LONP2: variants seen among roughly 807,000 people sequenced by gnomAD.
LONP2 encodes lon protease homolog 2, peroxisomal.
In LONP2, 60 loss-of-function variants were observed where a neutral mutation model predicts 85.6. The ratio of observed to expected loss-of-function variants is 0.70; its 90% CI spans 0.57 to 0.87. The LOEUF (loss-of-function observed/expected upper bound fraction) is 0.87, where lower values mean the gene tolerates loss of function less well. Among genes scored for constraint, LONP2 ranks in the 40% least tolerant of loss-of-function variants. The pLI is 0.00. For missense variants in LONP2, 860 were observed against 1,063.5 expected (o/e 0.81, Z 2.66); for synonymous variants, 395 against 389.7 (o/e 1.01, Z -0.16).
chr16:48,319,133 A>G (rs1244925481), intron 11 of LONP2, among the ~76,000 whole-genome samples: 2 of 152,100 alleles, frequency 1.3e-5, no homozygotes, highest in African/African-American at 4.8e-5. Flanking sequence ...TAATCCTGGC[A>G]CTTTGGGAGG....
Position 48,347,595 on chromosome 16 carries a change from G to C in LONP2, c.2027G>C (p.Arg676Pro). Reference sequence around the variant, plus strand: ...GAAATCATGTTCGTGGAGGCGAGTCGAATGGATGGCGAGGGCCAGTTAACT... The same window carrying C: ...GAAATCATGTTCGTGGAGGCGAGTCCAATGGATGGCGAGGGCCAGTTAACT... ...GGEIMFVEAS[R>P]MDGEGQLTLT... Residue 676 changes from arginine to proline, a missense_variant, in exon 13 of 15, where the codon CGA becomes CCA. Coordinates refer to ENST00000285737, the MANE Select transcript of LONP2 (RefSeq NM_031490.5). 6.2e-7 allele frequency: 1 copy of C among 1,614,222 alleles called. No individual in the cohort carries two copies. The highest frequency in any genetic ancestry group is 8.5e-7 in the Non-Finnish European group (1 of 1,180,030).
chr16:48,321,833 G>A (rs780416168), intron 11 of LONP2, among the ~76,000 whole-genome samples: 1 of 152,198 alleles, frequency 6.6e-6, no homozygotes, highest in African/African-American at 2.4e-5. Flanking sequence ...GTAGCTCTGC[G>A]TGAGTCAGCA....
intron 8 of LONP2, among the ~76,000 whole-genome samples, chr16:48,293,443 G>T (rs1362189558): frequency 6.6e-6 from 1 of 151,904 alleles, no homozygotes; most frequent in Non-Finnish European, 1.5e-5. Flanking sequence ...AAAAAGAATA[G>T]ATTTTTTTCC....
chr16:48,347,403 T>C (rs1208081467), intron 12 of LONP2, 104 bp from the exon 13 acceptor site: 1 of 1,042,262 alleles, frequency 9.6e-7, no homozygotes, highest in African/African-American at 1.6e-5. Context: ...TTGAGGTAAG[T>C]GGCTGAAGTC....
chr16:48,287,008 A>G (rs1265767494), intron 8 of LONP2, among the ~76,000 whole-genome samples: 3 of 152,086 alleles, frequency 2.0e-5, no homozygotes, highest in African/African-American at 7.2e-5. Flanking sequence ...TTCATTCTGT[A>G]AAGTCTGTTT....
At chr16:48,247,935 T>G (rs912704202) in intron 1 of LONP2, among the ~76,000 whole-genome samples, 1 of 151,836 alleles carries the variant, frequency 6.6e-6, no homozygotes, top group African/African-American at 2.4e-5. Context: ...CTGGCCTATG[T>G]TTATAATTCT....
At chr16:48,266,179 A>G (rs377416009) in intron 6 of LONP2, among the ~76,000 whole-genome samples, 5 of 151,924 alleles carry the variant, frequency 3.3e-5, no homozygotes, top group African/African-American at 1.2e-4. Context: ...AATTTTTTGT[A>G]TTTTTAGCAG....
chr16:48,347,505 A>G lies in LONP2; in HGVS notation c.1939-2A>G, dbSNP rs1476532130. On this transcript the variant is annotated splice_acceptor_variant, in intron 12 of 14. Transcript: ENST00000285737. LOFTEE classifies it high-confidence loss of function. ...AACTCTGATCATTCTTCTTCTTTCA[A>G]GGTATCTCAGCGTTTGAGTCAGCCA... 6.2e-7 allele frequency: 1 copy of G among 1,614,046 alleles called. No homozygotes were observed. The highest frequency in any genetic ancestry group is 8.5e-7 in the Non-Finnish European group (1 of 1,179,988).
At chr16:48,331,566 C>CTTT (rs1022632125) in intron 11 of LONP2, among the ~76,000 whole-genome samples, 13 of 139,908 alleles carry the variant, frequency 9.3e-5, no homozygotes, top group African/African-American at 1.8e-4. Flanking sequence ...AAAGGATTTT[C>CTTT]TTTTTTTTTT....
chr16:48,283,875 A>T (rs1972381620), intron 8 of LONP2, among the ~76,000 whole-genome samples: 1 of 152,182 alleles, frequency 6.6e-6, no homozygotes, highest in Non-Finnish European at 1.5e-5. Flanking sequence ...GGCGAAGTAC[A>T]TTGAAAACCC....
At chr16:48,272,052 G>A (rs1437668374) in intron 7 of LONP2, among the ~76,000 whole-genome samples, 1 of 152,186 alleles carries the variant, frequency 6.6e-6, no homozygotes, top group East Asian at 1.9e-4. Context: ...TCATAAGCAC[G>A]TGACATGTAG....
intron 11 of LONP2, among the ~76,000 whole-genome samples, chr16:48,324,305 CTT>C (rs1303840804): frequency 6.6e-6 from 1 of 152,162 alleles, no homozygotes; most frequent in East Asian, 1.9e-4. Context: ...CCATATGTGT[CTT>C]TCTCTCCATG....
At chr16:48,305,323 T>G (rs1346752785) in intron 11 of LONP2, among the ~76,000 whole-genome samples, 1 of 152,200 alleles carries the variant, frequency 6.6e-6, no homozygotes, top group East Asian at 1.9e-4. Flanking sequence ...GGCACAATCT[T>G]GGCTCACTGC....
Position 48,353,821 on chromosome 16 carries a change from T to G in LONP2, c.*2019T>G, listed in dbSNP as rs1201252466. 2 of 152,144 alleles carry G rather than the reference T, an allele frequency of 1.3e-5. No individual in the cohort carries two copies. The highest frequency in any genetic ancestry group is 2.9e-5 in the Non-Finnish European group (2 of 68,056). The allele number at this position is 152,144 out of a possible 1,614,324, so 9.4% of individuals were successfully genotyped here. Reference sequence around the variant, plus strand: ...GCAACAAGGATATAACTTGGGGTTCTCGGTATTCTTCCTTTAGTCCTGACA... The same window carrying G: ...GCAACAAGGATATAACTTGGGGTTCGCGGTATTCTTCCTTTAGTCCTGACA... On this transcript the variant is annotated 3_prime_UTR_variant, in exon 15 of 15. Transcript: ENST00000285737.
rs1196538837 is a variant in LONP2 at position 48,355,812 on chromosome 16, TG to T, written c.*4012del. 2 of 152,242 alleles carry T rather than the reference TG, an allele frequency of 1.3e-5. No individual in the cohort carries two copies. The highest frequency in any genetic ancestry group is 2.9e-5 in the Non-Finnish European group (2 of 68,036). The allele number at this position is 152,242 out of a possible 1,614,324, so 9.4% of individuals were successfully genotyped here. ...AAAGACCCCTTGTATCAAAATAAGC[TG>T]GATTTTTTTATTGAAAATTATTAAC... On this transcript the variant is annotated 3_prime_UTR_variant, in exon 15 of 15. Coordinates refer to ENST00000285737, the MANE Select transcript of LONP2 (RefSeq NM_031490.5).
chr16:48,334,538 TG>T, intron 12 of LONP2, 180 bp downstream of exon 12: 1 of 752,940 alleles, frequency 1.3e-6, no homozygotes. Flanking sequence ...GTTGACTGCA[TG>T]GGGGCGCAGG....
chr16:48,331,072 C>G (rs773205889), intron 11 of LONP2, among the ~76,000 whole-genome samples: 1 of 152,212 alleles, frequency 6.6e-6, no homozygotes, highest in Non-Finnish European at 1.5e-5. Context: ...AAGCTTGTCA[C>G]AAAGCACCAC....
intron 11 of LONP2, among the ~76,000 whole-genome samples, chr16:48,323,374 G>A (rs1159298676): frequency 1.3e-5 from 2 of 152,106 alleles, no homozygotes; most frequent in Non-Finnish European, 2.9e-5. Flanking sequence ...TTGAAGAATG[G>A]CCAGGTCCGT....
At chr16:48,250,750 T>C (rs185290084) in intron 1 of LONP2, among the ~76,000 whole-genome samples, 1 of 152,346 alleles carries the variant, frequency 6.6e-6, no homozygotes, top group East Asian at 1.9e-4. Flanking sequence ...ATGTTTAAGT[T>C]ATTCTCTAAT....
Sources: gnomAD v4.1 joint callset for allele counts (sites outside exome capture counted in the v4.1 genomes callset) on GRCh38, gnomAD v4.1.1 for gene constraint, MANE v1.5 for transcripts, NCBI Gene and HGNC (gene_info 2026-07-23, HGNC 2026-07-21) for gene names.